ANOS1: variants seen among roughly 807,000 people sequenced by gnomAD.
ANOS1 encodes the protein anosmin-1.
A neutral mutation model predicts 59.0 loss-of-function variants in ANOS1; 6 were observed. That is an observed-to-expected ratio of 0.10 (90% confidence interval 0.06 to 0.20). The LOEUF (loss-of-function observed/expected upper bound fraction) is 0.20. Among genes scored for constraint, ANOS1 ranks in the 10% least tolerant of loss-of-function variants. The pLI, the probability that ANOS1 is intolerant of heterozygous loss-of-function variation, is 1.00. For missense variants in ANOS1, 433 were observed against 542.3 expected, an observed-to-expected ratio of 0.80 and a Z score of 2.00; for synonymous variants, 217 against 223.4, an observed-to-expected ratio of 0.97 and a Z score of 0.25.
chrX:8,706,108 C>T (rs903157873), intron 1 of ANOS1, among the ~76,000 whole-genome samples: 1 of 112,080 alleles, frequency 8.9e-6, no homozygotes, highest in African/African-American at 3.2e-5. Context: ...GTAAAGAAAA[C>T]ACATCATTCA....
At chrX:8,667,457 G>A (rs1477536796) in intron 2 of ANOS1, among the ~76,000 whole-genome samples, 1 of 111,151 alleles carries the variant, frequency 9.0e-6, no homozygotes, top group African/African-American at 3.3e-5. Context: ...CACTGTGCGA[G>A]CTTCATTCAA....
chrX:8,713,457 G>A (rs907442685), intron 1 of ANOS1, among the ~76,000 whole-genome samples: 2 of 111,139 alleles, frequency 1.8e-5, no homozygotes. Context: ...TACACTCGTA[G>A]AATCAAAACT....
intron 2 of ANOS1, among the ~76,000 whole-genome samples, chrX:8,673,317 G>A (rs1932286023): frequency 9.4e-6 from 1 of 106,181 alleles, no homozygotes; most frequent in South Asian, 4.3e-4. Context: ...ATGTCATCTA[G>A]AATGACGCTT....
intron 5 of ANOS1, among the ~76,000 whole-genome samples, chrX:8,587,135 G>A (rs942052545): frequency 9.1e-6 from 1 of 109,842 alleles, no homozygotes; most frequent in Non-Finnish European, 1.9e-5. Flanking sequence ...TGTGTGTGTG[G>A]GGGGGTGGTT....
At chrX:8,703,570 A>G (rs1932766990) in intron 1 of ANOS1, among the ~76,000 whole-genome samples, 1 of 111,771 alleles carries the variant, frequency 8.9e-6, no homozygotes, top group African/African-American at 3.3e-5. Flanking sequence ...CCAGTGATTA[A>G]CCTCAATGGT....
intron 2 of ANOS1, among the ~76,000 whole-genome samples, chrX:8,677,297 C>T (rs182961856): frequency 9.0e-6 from 1 of 111,513 alleles, no homozygotes; most frequent in East Asian, 2.8e-4. Flanking sequence ...AAATGTCTCT[C>T]GACATTGCCA....
chrX:8,701,027 A>G (rs1932752521), intron 1 of ANOS1, among the ~76,000 whole-genome samples: 1 of 111,778 alleles, frequency 8.9e-6, no homozygotes, highest in African/African-American at 3.3e-5. Flanking sequence ...TAAATAAATA[A>G]ATAAAATTGT....
intron 2 of ANOS1, among the ~76,000 whole-genome samples, chrX:8,666,979 A>G (rs897154781): frequency 9.8e-5 from 11 of 111,815 alleles, no homozygotes; most frequent in Non-Finnish European, 1.9e-4. Context: ...GGGAGAAAAT[A>G]TACCCTGCTC....
chrX:8,571,444 T>C (rs1930232126), intron 6 of ANOS1, among the ~76,000 whole-genome samples: 1 of 111,824 alleles, frequency 8.9e-6, no homozygotes, highest in Admixed American at 9.5e-5. Context: ...TGTTTTCATC[T>C]TCGTGCCCTG....
intron 9 of ANOS1, among the ~76,000 whole-genome samples, chrX:8,550,822 C>A (rs1929844839): frequency 9.1e-6 from 1 of 109,659 alleles, no homozygotes. Flanking sequence ...AAAATCAATT[C>A]TGGGTAAAAG....
chrX:8,558,732 C>T (rs917794805), intron 8 of ANOS1, among the ~76,000 whole-genome samples: 1 of 111,453 alleles, frequency 9.0e-6, no homozygotes, highest in South Asian at 3.8e-4. Context: ...AACGGAAATA[C>T]GGTTCAGCTT....
rs185396716 is a variant in ANOS1 at position 8,654,200 on chromosome X, G to C, written c.256-30530C>G. Among the ~76,000 whole-genome samples the C allele has an allele frequency of 4.5e-3, 504 of 111,805 alleles. 2 individuals are homozygous for C. The highest frequency in any genetic ancestry group is 0.016 in the African/African-American group (488 of 30,767). On this transcript the variant is annotated intron_variant, in intron 2 of 13. Transcript: ENST00000262648. ...CAAATTTGGTCTTATGTCTCCCATA[G>C]GTCTGTATCAGGAGGGCAGATGATT...
rs757605733 is a variant in ANOS1 at position 8,554,542 on chromosome X, GTTT to G, written c.1208-447_1208-445del. Among the ~76,000 whole-genome samples, 296 of 50,771 alleles carry G rather than the reference GTTT, an allele frequency of 5.8e-3. 1 individual carries two copies. The highest frequency in any genetic ancestry group is 0.021 in the African/African-American group (255 of 12,018). 44.1% of individuals were successfully genotyped at this position (50,771 alleles called of 115,157 possible). On this transcript the variant is annotated intron_variant, in intron 8 of 13. Coordinates refer to ENST00000262648, the MANE Select transcript of ANOS1 (RefSeq NM_000216.4). Reference sequence around the variant, plus strand: ...GGCAGACACAGAGCTGGCTACAGGAGTTTTTTTTTTTTTTTTTTTTTTTTTTTT... The same window carrying G: ...GGCAGACACAGAGCTGGCTACAGGAGTTTTTTTTTTTTTTTTTTTTTTTTT...
At chrX:8,548,036 A>C (rs1342737040) in intron 9 of ANOS1, among the ~76,000 whole-genome samples, 5 of 112,509 alleles carry the variant, frequency 4.4e-5, no homozygotes, top group African/African-American at 1.6e-4. Context: ...TTAAAACTTC[A>C]CATTTTCAAA....
At chrX:8,556,175 C>T (rs751677085) in intron 8 of ANOS1, among the ~76,000 whole-genome samples, 6 of 111,949 alleles carry the variant, frequency 5.4e-5, no homozygotes, top group South Asian at 3.7e-4. Context: ...ATTGATGGAA[C>T]GTATCTCAAA....
chrX:8,729,933 T>G (rs974382850), intron 1 of ANOS1, among the ~76,000 whole-genome samples: 6 of 110,579 alleles, frequency 5.4e-5, no homozygotes, highest in Non-Finnish European at 3.8e-5. Flanking sequence ...CTTAACTGAG[T>G]AATTTGCAGC....
At chrX:8,706,544 G>T (rs1019330144) in intron 1 of ANOS1, among the ~76,000 whole-genome samples, 4 of 111,865 alleles carry the variant, frequency 3.6e-5, no homozygotes, top group African/African-American at 1.3e-4. Flanking sequence ...GTAAACTATG[G>T]ACCCTGATGA....
In ANOS1 at chrX:8,707,632, A is replaced by T. The variant is rs908324459; in HGVS notation, c.208-7887T>A. ...AAACAATACAGTGTAACAGCTATTT[A>T]CATAGCACTTACACAGTATTAGGTA... is the stretch of plus-strand genomic sequence containing the variant. On this transcript the variant is annotated intron_variant, in intron 1 of 13. Transcript: ENST00000262648. Among the ~76,000 whole-genome samples the T allele has an allele frequency of 6.2e-5, 7 of 112,097 alleles. No homozygotes were observed. The East Asian group carries it at 2.0e-3, about 31-fold the overall frequency.
At chrX:8,666,177 C>G (rs1932131508) in intron 2 of ANOS1, among the ~76,000 whole-genome samples, 1 of 111,020 alleles carries the variant, frequency 9.0e-6, no homozygotes, top group Admixed American at 9.6e-5. Flanking sequence ...GCCCAGGTGA[C>G]AGAGCAACAA....
Sources: allele counts gnomAD v4.1 joint callset (sites outside exome capture counted in the v4.1 genomes callset), GRCh38; gene constraint gnomAD v4.1.1; transcripts MANE v1.5; gene names NCBI Gene and HGNC (gene_info 2026-07-23, HGNC 2026-07-21).